Variants in NELL1 observed in about 807,000 individuals in gnomAD.
The protein encoded by NELL1 is protein kinase C-binding protein NELL1.
Under a neutral mutation model 107.4 loss-of-function variants are expected in NELL1, and 76 were observed. The observed-to-expected ratio is 0.71, with a 90% CI of 0.59 to 0.86. The LOEUF is 0.86. Among genes scored for constraint, NELL1 ranks in the 40% least tolerant of loss-of-function variants. The pLI is 0.00. For synonymous variants in NELL1, 353 were observed against 341.2 expected (o/e 1.03, Z -0.38); for missense variants, 1,024 against 1,005.5 (o/e 1.02, Z -0.25).
At chr11:20,976,166 A>T (rs1851630507) in intron 12 of NELL1, among the ~76,000 whole-genome samples, 1 of 106,042 alleles carries the variant, frequency 9.4e-6, no homozygotes, top group South Asian at 3.0e-4. Flanking sequence ...TACACACATT[A>T]TATCTGTACA....
intron 12 of NELL1, among the ~76,000 whole-genome samples, chr11:21,064,332 G>T (rs1853816817): frequency 6.6e-6 from 1 of 152,106 alleles, no homozygotes; most frequent in African/African-American, 2.4e-5. Context: ...TAACAAACAA[G>T]AATAGAAGGA....
chr11:21,222,507 T>C (rs1349071393), intron 13 of NELL1, among the ~76,000 whole-genome samples: 1 of 152,064 alleles, frequency 6.6e-6, no homozygotes, highest in Non-Finnish European at 1.5e-5. Context: ...ATCTTTTGTA[T>C]TGTTTAAGTC....
intron 11 of NELL1, among the ~76,000 whole-genome samples, chr11:20,957,051 T>G (rs1447275705): frequency 2.0e-5 from 3 of 152,140 alleles, no homozygotes; most frequent in Admixed American, 6.5e-5. Context: ...AATAAGCAAG[T>G]ACAGTGGAGT....
At chr11:20,929,092 A>C (rs1370063658) in intron 9 of NELL1, among the ~76,000 whole-genome samples, 1 of 152,212 alleles carries the variant, frequency 6.6e-6, no homozygotes, top group Non-Finnish European at 1.5e-5. Context: ...GCTGAGGCTT[A>C]GGGATATTAG....
intron 10 of NELL1, among the ~76,000 whole-genome samples, chr11:20,946,202 T>C (rs527388916): frequency 4.7e-4 from 71 of 152,286 alleles, no homozygotes; most frequent in African/African-American, 1.6e-3. Context: ...AAACTCAGTC[T>C]CTCCTGCACC....
chr11:21,530,824 G>A (rs1247340044), intron 15 of NELL1, among the ~76,000 whole-genome samples: 1 of 151,880 alleles, frequency 6.6e-6, no homozygotes, highest in Non-Finnish European at 1.5e-5. Flanking sequence ...GAAATCTTGG[G>A]GTATTTTGAA....
chr11:20,965,767 G>A (rs1362193098), intron 12 of NELL1, among the ~76,000 whole-genome samples: 1 of 152,102 alleles, frequency 6.6e-6, no homozygotes, highest in Non-Finnish European at 1.5e-5. Flanking sequence ...CCCTTAGAAT[G>A]GTAAGAGGCT....
At chr11:20,775,521 TG>T (rs1271825621) in intron 2 of NELL1, among the ~76,000 whole-genome samples, 1 of 152,188 alleles carries the variant, frequency 6.6e-6, no homozygotes, top group African/African-American at 2.4e-5. Context: ...GTGATTCAGA[TG>T]GAGCTGGCAT....
intron 13 of NELL1, among the ~76,000 whole-genome samples, chr11:21,114,666 T>C (rs1410569729): frequency 6.6e-6 from 1 of 152,022 alleles, no homozygotes. Context: ...TAAGTTACTA[T>C]TCTTTGGGTG....
chr11:21,421,118 G>A (rs1475843331), intron 15 of NELL1, among the ~76,000 whole-genome samples: 1 of 152,250 alleles, frequency 6.6e-6, no homozygotes, highest in South Asian at 2.1e-4. Context: ...AGGATGTCAT[G>A]AAAAGAAGCA....
At chr11:20,843,989 G>A (rs553400005) in intron 3 of NELL1, among the ~76,000 whole-genome samples, 5 of 152,296 alleles carry the variant, frequency 3.3e-5, no homozygotes, top group South Asian at 4.1e-4. Context: ...GTAAATACAG[G>A]TTGGAAAAGA....
chr11:21,224,263 G>A (rs1285397668), intron 13 of NELL1, among the ~76,000 whole-genome samples: 1 of 151,904 alleles, frequency 6.6e-6, no homozygotes, highest in Non-Finnish European at 1.5e-5. Context: ...TATTTTTTGA[G>A]GCAAGGTCTC....
intron 14 of NELL1, among the ~76,000 whole-genome samples, chr11:21,316,049 C>T (rs140440433): frequency 2.0e-5 from 3 of 152,160 alleles, no homozygotes; most frequent in Non-Finnish European, 2.9e-5. Context: ...TTTCTCAGAA[C>T]GTATTTTTGG....
chr11:20,994,073 A>G (rs1302496592), intron 12 of NELL1, among the ~76,000 whole-genome samples: 14 of 152,230 alleles, frequency 9.2e-5, no homozygotes, highest in Non-Finnish European at 2.1e-4. Flanking sequence ...CTAGCTAATT[A>G]GGACAACTTT....
intron 12 of NELL1, among the ~76,000 whole-genome samples, chr11:21,092,836 GCTTTGGGACCTAGAAGGC>G (rs1368133848): frequency 6.6e-6 from 1 of 152,168 alleles, no homozygotes; most frequent in Admixed American, 6.5e-5. Flanking sequence ...TAGTTGGGAG[GCTTTGGGACCTAGAAGGC>G]CTAGGGATAG....
chr11:20,857,122 A>G (rs1393077863), intron 4 of NELL1, among the ~76,000 whole-genome samples: 1 of 152,142 alleles, frequency 6.6e-6, no homozygotes, highest in African/African-American at 2.4e-5. Context: ...ATGCATCCAG[A>G]GGGAGAGAGG....
chr11:21,149,259 T>G (rs942199438), intron 13 of NELL1, among the ~76,000 whole-genome samples: 2 of 152,228 alleles, frequency 1.3e-5, no homozygotes, highest in African/African-American at 4.8e-5. Context: ...AGTCCTTTAT[T>G]GGATTTCCTA....
At position 21,570,940 on chromosome 11, in the gene NELL1, G is replaced by T; in HGVS notation, c.2157G>T (p.Leu719=). 1 of 1,610,144 alleles carries T rather than the reference G, an allele frequency of 6.2e-7. No homozygotes were observed. Among genetic ancestry groups the T allele is most frequent in the Non-Finnish European group, 8.5e-7 (1 of 1,177,458 alleles). ...ATAGCTGTCAGCAGTGTCGGTGTCT[G>T]GTATGTTGGCTTCCTTTATAAGGTG... ...WTHSCQQCRC[L]EGEVDCWPLT... The change falls in exon 18 of 20, where the codon CTG becomes CTT. Residue 719 remains leucine (L), a splice_region_variant and synonymous_variant. Transcript: ENST00000357134.
intron 14 of NELL1, among the ~76,000 whole-genome samples, chr11:21,293,084 A>G (rs973522511): frequency 1.3e-5 from 2 of 152,220 alleles, no homozygotes; most frequent in Admixed American, 6.5e-5. Flanking sequence ...AATGGGATCT[A>G]AATAAACTGA....
Sources: gnomAD v4.1 joint callset for allele counts (sites outside exome capture counted in the v4.1 genomes callset) on GRCh38, gnomAD v4.1.1 for gene constraint, MANE v1.5 for transcripts, NCBI Gene and HGNC (gene_info 2026-07-23, HGNC 2026-07-21) for gene names.